NRXN3: variants seen among roughly 807,000 people sequenced by gnomAD.
NRXN3 encodes the protein neurexin III.
In NRXN3, 32 loss-of-function variants were observed where a neutral mutation model predicts 137.6. The observed-to-expected ratio is 0.23, with a 90% CI of 0.18 to 0.31. The LOEUF (loss-of-function observed/expected upper bound fraction) is 0.31, where lower values mean the gene tolerates loss of function less well. Among genes scored for constraint, NRXN3 ranks in the 10% least tolerant of loss-of-function variants. The probability of loss-of-function intolerance (pLI) is 1.00; values close to 1 mark genes in which losing one functional copy is unlikely to be tolerated. For synonymous variants in NRXN3, 798 were observed against 784.5 expected (o/e 1.02, Z -0.29); for missense variants, 1,574 against 2,062.5 (o/e 0.76, Z 4.59).
intron 20 of NRXN3, among the ~76,000 whole-genome samples, chr14:79,856,258 A>AT (rs1017919038): frequency 6.6e-6 from 1 of 151,898 alleles, no homozygotes; most frequent in African/African-American, 2.4e-5. Context: ...GTCCATGACT[A>AT]TTTTTTCCCG....
chr14:78,854,770 A>AAT (rs1031775450), intron 10 of NRXN3, among the ~76,000 whole-genome samples: 3 of 152,110 alleles, frequency 2.0e-5, no homozygotes, highest in Admixed American at 2.0e-4. Flanking sequence ...TAGAATGGGA[A>AAT]ATATATATAG....
chr14:78,222,178 T>C (rs1006184179), intron 1 of NRXN3, among the ~76,000 whole-genome samples: 4 of 152,134 alleles, frequency 2.6e-5, no homozygotes, highest in Non-Finnish European at 5.9e-5. Context: ...CTTTCTGTAT[T>C]GTGAGGAGTC....
chr14:79,268,115 C>T (rs2078721487), intron 15 of NRXN3, among the ~76,000 whole-genome samples: 1 of 151,982 alleles, frequency 6.6e-6, no homozygotes, highest in Admixed American at 6.6e-5. Context: ...GAAGAATCGA[C>T]AGTGATTGAA....
chr14:79,370,286 G>A (rs191312141), intron 15 of NRXN3, among the ~76,000 whole-genome samples: 61 of 150,762 alleles, frequency 4.0e-4, no homozygotes, highest in Admixed American at 2.7e-3. Flanking sequence ...AAAGTTTATC[G>A]GGTTTTTTTT....
At chr14:78,624,961 C>T (rs2097442414) in intron 4 of NRXN3, among the ~76,000 whole-genome samples, 1 of 152,276 alleles carries the variant, frequency 6.6e-6, no homozygotes, top group East Asian at 1.9e-4. Context: ...CTTGCCTCAG[C>T]CTCCTGAGTA....
At chr14:79,256,491 C>CCCCTA (rs2076603342) in intron 15 of NRXN3, among the ~76,000 whole-genome samples, 1 of 152,114 alleles carries the variant, frequency 6.6e-6, no homozygotes, top group Non-Finnish European at 1.5e-5. Flanking sequence ...AGTAGAGTGC[C>CCCCTA]CCCTAGCACC....
At chr14:78,228,303 C>G (rs1425419917) in intron 1 of NRXN3, among the ~76,000 whole-genome samples, 1 of 151,868 alleles carries the variant, frequency 6.6e-6, no homozygotes, top group Non-Finnish European at 1.5e-5. Context: ...ATTACAGGCG[C>G]CTGCCACTAC....
In NRXN3 at chr14:78,429,906, A is replaced by G. The variant is rs61978282; in HGVS notation, c.757+132046A>G. ...ATGAAAAGGAAACTTCTTGATTTCT[A>G]CAAAGATTCCTACTGAATCAATGAG... On this transcript the variant is annotated intron_variant, in intron 4 of 20. Coordinates refer to ENST00000335750, the MANE Select transcript of NRXN3 (RefSeq NM_001330195.2). Among the ~76,000 whole-genome samples, 920 of 152,348 alleles carry G rather than the reference A, an allele frequency of 6.0e-3. 2 individuals are homozygous for G. The highest frequency in any genetic ancestry group is 0.017 in the Middle Eastern group (5 of 294).
intron 6 of NRXN3, among the ~76,000 whole-genome samples, chr14:78,672,647 C>T (rs764453077): frequency 4.6e-5 from 7 of 152,156 alleles, no homozygotes; most frequent in South Asian, 4.1e-4. Context: ...GAATTGGTCA[C>T]GCCCACAGGA....
chr14:79,751,744 C>T (rs1183666157), intron 19 of NRXN3, among the ~76,000 whole-genome samples: 57 of 150,986 alleles, frequency 3.8e-4, no homozygotes, highest in Non-Finnish European at 6.9e-4. Flanking sequence ...GAGATACGTC[C>T]CATCAATACC....
intron 6 of NRXN3, among the ~76,000 whole-genome samples, chr14:78,697,190 A>G (rs2098235301): frequency 6.6e-6 from 1 of 152,068 alleles, no homozygotes; most frequent in Non-Finnish European, 1.5e-5. Flanking sequence ...GTGGTTTTAT[A>G]TGAAAACTTA....
intron 4 of NRXN3, among the ~76,000 whole-genome samples, chr14:78,569,530 G>GTCCAGAACTCCTAGACT (rs1335680136): frequency 2.6e-5 from 4 of 151,786 alleles, no homozygotes; most frequent in Admixed American, 2.0e-4. Context: ...CTCCCAAAGT[G>GTCCAGAACTCCTAGACT]CTGGGATTAC....
chr14:79,497,407 C>A (rs2096777716), intron 16 of NRXN3, among the ~76,000 whole-genome samples: 1 of 152,164 alleles, frequency 6.6e-6, no homozygotes, highest in Non-Finnish European at 1.5e-5. Context: ...CCCTTCCACT[C>A]AATCCTTTCC....
chr14:79,286,974 A>G (rs2082370603), intron 15 of NRXN3, among the ~76,000 whole-genome samples: 1 of 152,146 alleles, frequency 6.6e-6, no homozygotes, highest in African/African-American at 2.4e-5. Context: ...TTCTAAACCA[A>G]TGTGTACAGG....
intron 10 of NRXN3, among the ~76,000 whole-genome samples, chr14:78,831,100 A>G (rs1277812439): frequency 6.6e-6 from 1 of 152,194 alleles, no homozygotes; most frequent in Non-Finnish European, 1.5e-5. Context: ...CTACATTCTT[A>G]TAGAACAAGG....
chr14:78,286,572 T>C (rs2075207225), intron 3 of NRXN3, among the ~76,000 whole-genome samples: 1 of 151,948 alleles, frequency 6.6e-6, no homozygotes, highest in Non-Finnish European at 1.5e-5. Context: ...CAGCTGAGAG[T>C]CCAGGGCAGT....
intron 4 of NRXN3, among the ~76,000 whole-genome samples, chr14:78,318,581 C>T (rs1317009434): frequency 6.6e-6 from 1 of 152,186 alleles, no homozygotes. Context: ...GACCTAATTT[C>T]CAACCACACA....
At chr14:78,538,017 G>A (rs1276047843) in intron 4 of NRXN3, among the ~76,000 whole-genome samples, 3 of 152,148 alleles carry the variant, frequency 2.0e-5, no homozygotes, top group Non-Finnish European at 4.4e-5. Flanking sequence ...CTATAGCCTT[G>A]TACTATAGTT....
At chr14:79,175,659 G>T (rs1008136163) in intron 15 of NRXN3, among the ~76,000 whole-genome samples, 1 of 152,120 alleles carries the variant, frequency 6.6e-6, no homozygotes, top group African/African-American at 2.4e-5. Flanking sequence ...CGAATTACAC[G>T]TTCACTGTTT....
Sources: allele counts gnomAD v4.1 joint callset (sites outside exome capture counted in the v4.1 genomes callset), GRCh38; gene constraint gnomAD v4.1.1; transcripts MANE v1.5; gene names NCBI Gene and HGNC (gene_info 2026-07-23, HGNC 2026-07-21).